Variants in RAD54L2 observed in about 807,000 individuals in gnomAD.
The protein encoded by RAD54L2 is helicase ARIP4.
RAD54L2 carries 27 observed loss-of-function variants against 138.4 expected under a neutral mutation model. That is an observed-to-expected ratio of 0.20 (90% CI 0.14 to 0.27). The LOEUF (loss-of-function observed/expected upper bound fraction) is 0.27, where lower values mean the gene tolerates loss of function less well. Among genes scored for constraint, RAD54L2 ranks in the 10% least tolerant of loss-of-function variants. The pLI, the probability that RAD54L2 is intolerant of heterozygous loss-of-function variation, is 1.00. For missense variants in RAD54L2, 1,396 were observed against 1,890.2 expected, an observed-to-expected ratio of 0.74 and a Z score of 4.85; for synonymous variants, 644 against 723.2, an observed-to-expected ratio of 0.89 and a Z score of 1.76.
chr3:51,641,943 T>C (rs1269648049), intron 15 of RAD54L2, 76 bp downstream of exon 15: 16 of 1,036,486 alleles, frequency 1.5e-5, no homozygotes, highest in Non-Finnish European at 2.3e-5. Flanking sequence ...TCTCTCTTTC[T>C]CTTTCTCCAC....
intron 7 of RAD54L2, 35 bp downstream of exon 7, chr3:51,630,966 T>C (rs1467611124): frequency 6.4e-7 from 1 of 1,561,376 alleles, no homozygotes; most frequent in Non-Finnish European, 8.8e-7. Flanking sequence ...TCCTTTTCCT[T>C]TTTGTTTCCT....
chr3:51,618,518 A>G (rs1020562879), intron 3 of RAD54L2, among the ~76,000 whole-genome samples: 1 of 152,102 alleles, frequency 6.6e-6, no homozygotes, highest in African/African-American at 2.4e-5. Flanking sequence ...TGGTGGCTGC[A>G]GTGAGCATTG....
intron 3 of RAD54L2, among the ~76,000 whole-genome samples, chr3:51,600,518 A>G (rs1258379196): frequency 6.6e-6 from 1 of 152,206 alleles, no homozygotes; most frequent in Non-Finnish European, 1.5e-5. Context: ...AGGCTGAGGC[A>G]GGAAGACTCA....
At position 51,601,864 on chromosome 3, in the gene RAD54L2, GT is replaced by G. The variant is rs549038700; in HGVS notation, c.139+11315del. Among the ~76,000 whole-genome samples, 270 of 146,296 alleles carry G rather than the reference GT, an allele frequency of 1.8e-3. 1 individual carries two copies. The highest frequency in any genetic ancestry group is 2.9e-3 in the Non-Finnish European group (192 of 66,008). ...TCATGTGTTTTTTTGTTTTTTTGTT[GT>G]TTTTTTTTTCGAGAAAGAGTCTTGC... On this transcript the variant is annotated intron_variant, in intron 3 of 22. Coordinates refer to ENST00000684192, the MANE Select transcript of RAD54L2 (RefSeq NM_015106.4).
chr3:51,590,673 G>A, intron 3 of RAD54L2, 114 bp downstream of exon 3: 1 of 1,396,318 alleles, frequency 7.2e-7, no homozygotes, highest in Non-Finnish European at 9.9e-7. Context: ...ATAGTGGGAA[G>A]ATACAGACTA....
rs757700780 is a variant in RAD54L2, at chr3:51,637,509, C to T, written c.1682+6C>T. On this transcript the variant is annotated splice_donor_region_variant and intron_variant, in intron 11 of 22. Coordinates refer to ENST00000684192, the MANE Select transcript of RAD54L2 (RefSeq NM_015106.4). This position sits in a 1 kb window ranked among gnomAD's most constrained non-coding sequence, Gnocchi z 5.9. Reference sequence around the variant, plus strand: ...CTGGAGGGCTTTGTGCAGAGGTGAGCCATCCTCAGGGTCCTGCTTCCTGAA... The same window carrying T: ...CTGGAGGGCTTTGTGCAGAGGTGAGTCATCCTCAGGGTCCTGCTTCCTGAA... 6.2e-7 allele frequency: 1 copy of T among 1,603,852 alleles called. No homozygotes were observed. Among genetic ancestry groups the T allele is most frequent in the Non-Finnish European group, 8.5e-7 (1 of 1,173,404 alleles).
intron 2 of RAD54L2, among the ~76,000 whole-genome samples, chr3:51,575,964 G>C (rs1323482087): frequency 3.9e-5 from 6 of 152,120 alleles, no homozygotes; most frequent in Admixed American, 2.0e-4. Context: ...TGCCCATTCA[G>C]TATGATATTG....
At chr3:51,614,986 G>A (rs1418815134) in intron 3 of RAD54L2, among the ~76,000 whole-genome samples, 2 of 151,140 alleles carry the variant, frequency 1.3e-5, no homozygotes, top group African/African-American at 4.9e-5. Flanking sequence ...GTTTGCATGA[G>A]TTTTTAATTA....
At chr3:51,630,421 G>C in intron 6 of RAD54L2, 33 bp downstream of exon 6, 1 of 1,563,942 alleles carries the variant, frequency 6.4e-7, no homozygotes, top group Middle Eastern at 1.9e-4. Flanking sequence ...CCTTTCTTCC[G>C]ACCTGGTGTT....
intron 19 of RAD54L2, among the ~76,000 whole-genome samples, chr3:51,649,970 A>G (rs1272082938): frequency 6.6e-6 from 1 of 152,260 alleles, no homozygotes; most frequent in African/African-American, 2.4e-5. Context: ...TAAATGCCCC[A>G]GTTAAAAGAC....
chr3:51,591,611 C>G (rs1699842883), intron 3 of RAD54L2, among the ~76,000 whole-genome samples: 1 of 152,192 alleles, frequency 6.6e-6, no homozygotes, highest in Non-Finnish European at 1.5e-5. Context: ...TCACTTTTAT[C>G]CCTCCAGTAG....
intron 3 of RAD54L2, among the ~76,000 whole-genome samples, chr3:51,608,275 C>T (rs149057108): frequency 0.038 from 5,790 of 151,518 alleles, 389 homozygotes; most frequent in African/African-American, 0.13. Flanking sequence ...CATGGGCAGC[C>T]GGGCAGAGAC....
rs1234750870 is a variant in RAD54L2, at chr3:51,663,223, C to T, written c.4207C>T (p.Pro1403Ser). 1.2e-6 allele frequency: 2 copies of T among 1,613,864 alleles called. No homozygotes were observed. Among genetic ancestry groups the T allele is most frequent in the Non-Finnish European group, 1.7e-6 (2 of 1,179,884 alleles). The change falls in exon 23 of 23, where the codon CCT (proline) becomes TCT (serine). Residue 1403 changes from proline to serine, a missense_variant. By Grantham distance (74) the Pro-to-Ser change is moderately conservative (BLOSUM62 -1). Coordinates refer to ENST00000684192, the MANE Select transcript of RAD54L2 (RefSeq NM_015106.4). ...EPRMFAPFPS[P>S]VLPSNLSRGM... ...GAGGATGTTTGCGCCTTTTCCTTCC[C>T]CTGTCTTGCCCAGCAACCTTTCGCG...
At chr3:51,572,115 A>G (rs1312386889) in intron 2 of RAD54L2, among the ~76,000 whole-genome samples, 7 of 152,190 alleles carry the variant, frequency 4.6e-5, no homozygotes, top group South Asian at 2.1e-4. Flanking sequence ...ACAGGGCTCT[A>G]TACATTCCTT....
intron 2 of RAD54L2, among the ~76,000 whole-genome samples, chr3:51,546,922 G>A (rs1313140932): frequency 6.6e-6 from 1 of 151,046 alleles, no homozygotes; most frequent in African/African-American, 2.4e-5. Context: ...CCAGCTACTT[G>A]GAAGGCTGAG....
chr3:51,641,846 G>C lies in RAD54L2; in HGVS notation c.2329G>C (p.Val777Leu), dbSNP rs1476289320. ...GTEGQGAQKW[V>L]RNISYFRLDG... ...CGAGGGGCAAGGAGCACAGAAGTGG[G>C]TTCGAAACATCAGCTACTTCCGTGA... The change falls in exon 15 of 23, where the codon GTT becomes CTT. Residue 777 changes from valine to leucine, a missense_variant. Val to Leu is a conservative substitution (Grantham distance 32). Coordinates refer to ENST00000684192, the MANE Select transcript of RAD54L2 (RefSeq NM_015106.4). 1.3e-6 allele frequency: 2 copies of C among 1,590,430 alleles called. No homozygotes were observed. Among genetic ancestry groups the C allele is most frequent in the Non-Finnish European group, 1.7e-6 (2 of 1,167,810 alleles).
intron 3 of RAD54L2, 146 bp downstream of exon 3, chr3:51,590,705 C>A: frequency 1.8e-6 from 2 of 1,111,652 alleles, no homozygotes; most frequent in Non-Finnish European, 2.6e-6. Flanking sequence ...GCAATGAATT[C>A]AGATGCTCAT....
Position 51,645,326 on chromosome 3 carries a change from C to A in RAD54L2, c.2656+97C>A. On this transcript the variant is annotated intron_variant, in intron 17 of 22. Transcript: ENST00000684192. The surrounding 1 kb of genome is among the most constrained non-coding windows in gnomAD (Gnocchi z 6.1). Reference sequence around the variant, plus strand: ...GAGGAGCAGGATATGGGAACACAGGCAGGCTTCGAGAAAGCCAGCATTTCC... The same window carrying A: ...GAGGAGCAGGATATGGGAACACAGGAAGGCTTCGAGAAAGCCAGCATTTCC... The A allele has an allele frequency of 7.8e-7, 1 of 1,289,116 alleles. No individual in the cohort carries two copies. Among genetic ancestry groups the A allele is most frequent in the Non-Finnish European group, 1.1e-6 (1 of 923,272 alleles). 79.9% of individuals were successfully genotyped at this position (1,289,116 alleles called of 1,614,324 possible).
In RAD54L2 at chr3:51,634,006, T is replaced by C. The variant is rs1577444353; in HGVS notation, c.1113T>C (p.Phe371=). 1.9e-6 allele frequency: 3 copies of C among 1,613,856 alleles called. No homozygotes were observed. In the African/African-American group the frequency reaches 4.0e-5, roughly 22 times the overall value. ...CTGAAGAAGTCCAGCCTCGGTTCTT[T>C]AAAGTTCACATCTTGAATGATGAGC... is the stretch of plus-strand genomic sequence containing the variant. The part of the protein sequence containing the change: ...NKPEEVQPRF[F]KVHILNDEHK... The change falls in exon 9 of 23, where the codon TTT becomes TTC. Residue 371 remains phenylalanine (F), a synonymous_variant. Coordinates refer to ENST00000684192, the MANE Select transcript of RAD54L2 (RefSeq NM_015106.4).
Sources: allele counts gnomAD v4.1 joint callset (sites outside exome capture counted in the v4.1 genomes callset), GRCh38; gene constraint gnomAD v4.1.1; non-coding constraint Gnocchi (gnomAD v3.1); transcripts MANE v1.5; gene names NCBI Gene and HGNC (gene_info 2026-07-23, HGNC 2026-07-21).